Variants in SCAPER observed in about 807,000 individuals in gnomAD.
SCAPER encodes the protein S phase cyclin A-associated protein in the endoplasmic reticulum.
In SCAPER, 98 loss-of-function variants were observed where a neutral mutation model predicts 182.2. That is an observed-to-expected ratio of 0.54 (90% CI 0.46 to 0.64). The LOEUF (loss-of-function observed/expected upper bound fraction) is 0.64, where lower values mean the gene tolerates loss of function less well. Ranked by LOEUF, SCAPER falls within the 30% of genes least tolerant of loss-of-function variation. The probability of loss-of-function intolerance (pLI) is 0.00; values close to 1 mark genes in which losing one functional copy is unlikely to be tolerated. For synonymous variants in SCAPER, 605 were observed against 564.6 expected, an observed-to-expected ratio of 1.07 and a Z score of -1.01; for missense variants, 1,432 against 1,690.0, an observed-to-expected ratio of 0.85 and a Z score of 2.68.
Position 76,781,421 on chromosome 15 carries a change from C to T in SCAPER, c.773-6304G>A, listed in dbSNP as rs144883173. On this transcript the variant is annotated intron_variant, in intron 8 of 31. Coordinates refer to ENST00000563290, the MANE Select transcript of SCAPER (RefSeq NM_020843.4). ...ACCAAATTTACGTATGACTGGTGTA[C>T]GTGAAAGAGATGGGGAGAATGGAAC... Among the ~76,000 whole-genome samples, 822 of 152,192 alleles carry T rather than the reference C, an allele frequency of 5.4e-3. 6 individuals are homozygous for T. The highest frequency in any genetic ancestry group is 0.019 in the African/African-American group (796 of 41,510).
intron 5 of SCAPER, among the ~76,000 whole-genome samples, chr15:76,818,363 G>GA (rs982017331): frequency 3.9e-5 from 6 of 152,026 alleles, no homozygotes; most frequent in Admixed American, 6.6e-5. Flanking sequence ...AACTTGCAGG[G>GA]AAAAAACCTA....
chr15:76,410,440 CAGA>C (rs2142208702), intron 26 of SCAPER, among the ~76,000 whole-genome samples: 1 of 152,282 alleles, frequency 6.6e-6, no homozygotes, highest in South Asian at 2.1e-4. Context: ...TACTATATAG[CAGA>C]AGTGCCAAAT....
intron 2 of SCAPER, among the ~76,000 whole-genome samples, chr15:76,875,273 C>T (rs1053678781): frequency 3.9e-5 from 6 of 152,134 alleles, no homozygotes; most frequent in Admixed American, 2.0e-4. Context: ...CAGGACCATA[C>T]AGGAAACATA....
At chr15:76,736,375 A>G (rs947802365) in intron 15 of SCAPER, among the ~76,000 whole-genome samples, 3 of 152,178 alleles carry the variant, frequency 2.0e-5, no homozygotes, top group African/African-American at 7.2e-5. Context: ...AAATAGGACA[A>G]CAACGAAGTT....
At chr15:76,517,847 CT>C (rs1452295968) in intron 23 of SCAPER, among the ~76,000 whole-genome samples, 1 of 151,672 alleles carries the variant, frequency 6.6e-6, no homozygotes, top group African/African-American at 2.4e-5. Flanking sequence ...AGTAAAGTTA[CT>C]TTTAGGATTA....
chr15:76,381,840 C>A (rs149394619), intron 27 of SCAPER, among the ~76,000 whole-genome samples: 8 of 152,310 alleles, frequency 5.3e-5, no homozygotes, highest in African/African-American at 9.6e-5. Context: ...GTCAACTGAG[C>A]ACTCTGCAGC....
Position 76,566,649 on chromosome 15 carries a change from A to C in SCAPER, c.2838+7509T>G, listed in dbSNP as rs146104145. On this transcript the variant is annotated intron_variant, in intron 23 of 31. Coordinates refer to ENST00000563290, the MANE Select transcript of SCAPER (RefSeq NM_020843.4). ...ATCGCATTCACTTGGACCAAATTTA[A>C]TACAATGGTAAGACTAAGGAAAATA... Among the ~76,000 whole-genome samples the C allele has an allele frequency of 5.5e-4, 83 of 152,266 alleles. 1 individual carries two copies. The highest frequency in any genetic ancestry group is 3.4e-3 in the Middle Eastern group (1 of 294).
At chr15:76,608,077 C>T (rs1017475079) in intron 22 of SCAPER, among the ~76,000 whole-genome samples, 1 of 152,206 alleles carries the variant, frequency 6.6e-6, no homozygotes, top group Admixed American at 6.5e-5. Flanking sequence ...CGTTCCTTTG[C>T]AGGAGGAGAG....
chr15:76,852,954 GA>G (rs1214374160), intron 4 of SCAPER, among the ~76,000 whole-genome samples: 1 of 152,092 alleles, frequency 6.6e-6, no homozygotes, highest in African/African-American at 2.4e-5. Context: ...TAATAAAGAA[GA>G]AAAGAGAGAA....
At chr15:76,865,151 A>G (rs1280374186) in intron 2 of SCAPER, among the ~76,000 whole-genome samples, 1 of 152,180 alleles carries the variant, frequency 6.6e-6, no homozygotes, top group Non-Finnish European at 1.5e-5. Flanking sequence ...AGTTGAGAAA[A>G]AGATATAAGC....
intron 5 of SCAPER, among the ~76,000 whole-genome samples, chr15:76,835,716 AT>A (rs1312897355): frequency 3.9e-5 from 6 of 152,136 alleles, no homozygotes; most frequent in Non-Finnish European, 7.4e-5. Context: ...AGAGAATAAA[AT>A]AAAAGGCATC....
At chr15:76,691,181 G>T (rs1005894978) in intron 20 of SCAPER, among the ~76,000 whole-genome samples, 11 of 152,022 alleles carry the variant, frequency 7.2e-5, no homozygotes, top group Non-Finnish European at 1.5e-4. Context: ...TCAGTGGACA[G>T]ACACAAAATC....
intron 21 of SCAPER, among the ~76,000 whole-genome samples, chr15:76,632,759 GGCT>G (rs1337008441): frequency 2.0e-5 from 3 of 150,320 alleles, no homozygotes; most frequent in African/African-American, 7.4e-5. Context: ...TGATCTCTGA[GGCT>G]GCTGACTTTT....
intron 17 of SCAPER, among the ~76,000 whole-genome samples, chr15:76,719,429 A>T (rs2060075234): frequency 6.6e-6 from 1 of 152,170 alleles, no homozygotes; most frequent in Non-Finnish European, 1.5e-5. Context: ...AGATCAGAGG[A>T]TACAAAACTG....
chr15:76,835,599 G>C (rs1311280448), intron 5 of SCAPER, among the ~76,000 whole-genome samples: 1 of 152,080 alleles, frequency 6.6e-6, no homozygotes, highest in African/African-American at 2.4e-5. Context: ...TACTGAATGG[G>C]CAAATGCTGA....
intron 27 of SCAPER, among the ~76,000 whole-genome samples, chr15:76,389,001 CACAT>C (rs1035381333): frequency 2.0e-5 from 3 of 151,962 alleles, no homozygotes; most frequent in African/African-American, 7.2e-5. Context: ...CAGACACACA[CACAT>C]ACAGCACACC....
At chr15:76,838,685 C>T (rs2069165417) in intron 5 of SCAPER, among the ~76,000 whole-genome samples, 1 of 152,160 alleles carries the variant, frequency 6.6e-6, no homozygotes, top group Non-Finnish European at 1.5e-5. Flanking sequence ...CAGAGACACA[C>T]ATCTAGTTCC....
chr15:76,443,272 C>A (rs546173417), intron 25 of SCAPER, among the ~76,000 whole-genome samples: 68 of 152,310 alleles, frequency 4.5e-4, no homozygotes, highest in African/African-American at 1.6e-3. Context: ...AATAAACTTA[C>A]ACCAACTTGT....
chr15:76,487,317 C>A (rs2051749128), intron 24 of SCAPER, among the ~76,000 whole-genome samples: 1 of 149,410 alleles, frequency 6.7e-6, no homozygotes, highest in African/African-American at 2.5e-5. Flanking sequence ...AATCCATGTT[C>A]CCCTGAACTT....
Sources: allele counts gnomAD v4.1 joint callset (sites outside exome capture counted in the v4.1 genomes callset), GRCh38; gene constraint gnomAD v4.1.1; transcripts MANE v1.5; gene names NCBI Gene and HGNC (gene_info 2026-07-23, HGNC 2026-07-21).